Variants in RNF150 observed in about 807,000 individuals in gnomAD.
The protein encoded by RNF150 is ring finger protein 150.
RNF150 carries 24 observed loss-of-function variants against 39.3 expected under a neutral mutation model. That is an observed-to-expected ratio of 0.61 (90% CI 0.44 to 0.86). The LOEUF is 0.86. Among genes scored for constraint, RNF150 ranks in the 40% least tolerant of loss-of-function variants. The pLI is 0.00. For synonymous variants in RNF150, 255 were observed against 227.3 expected, an observed-to-expected ratio of 1.12 and a Z score of -1.10; for missense variants, 502 against 587.8, an observed-to-expected ratio of 0.85 and a Z score of 1.51.
chr4:140,954,811 G>T (rs1732680537), intron 2 of RNF150, among the ~76,000 whole-genome samples: 1 of 152,144 alleles, frequency 6.6e-6, no homozygotes, highest in Non-Finnish European at 1.5e-5. Flanking sequence ...CCTCTGTTCT[G>T]TGTTATAAAT....
chr4:141,064,103 AC>A (rs1737358685), intron 1 of RNF150, among the ~76,000 whole-genome samples: 1 of 151,794 alleles, frequency 6.6e-6, no homozygotes, highest in African/African-American at 2.4e-5. Flanking sequence ...TTTCCTTTTT[AC>A]TTTAAAAGTT....
intron 1 of RNF150, among the ~76,000 whole-genome samples, chr4:140,971,245 T>C (rs1268527888): frequency 2.0e-5 from 3 of 151,802 alleles, no homozygotes; most frequent in African/African-American, 7.3e-5. Flanking sequence ...GCTTTGCTTC[T>C]GTGGGTGGGT....
rs143645030 is a variant in RNF150, at chr4:140,968,732, G to T, written c.485-859C>A. Among the ~76,000 whole-genome samples the T allele has an allele frequency of 2.0e-3, 298 of 151,820 alleles. 5 individuals carry two copies. Among genetic ancestry groups the T allele is most frequent in the South Asian group, 0.013 (63 of 4,796 alleles). On this transcript the variant is annotated intron_variant, in intron 1 of 6. Coordinates refer to ENST00000515673, the MANE Select transcript of RNF150 (RefSeq NM_020724.2). ...TCTTGGGCCACTTTTATATATATGG[G>T]TCATTGTCCTTACGCATCATGACAC... is the stretch of plus-strand genomic sequence containing the variant.
intron 2 of RNF150, among the ~76,000 whole-genome samples, chr4:140,967,394 A>G (rs1018823150): frequency 2.0e-5 from 3 of 152,094 alleles, no homozygotes; most frequent in Non-Finnish European, 4.4e-5. Context: ...TCAAAAACAT[A>G]AGCAATGGGA....
At chr4:141,001,057 G>A (rs1310827490) in intron 1 of RNF150, among the ~76,000 whole-genome samples, 2 of 152,200 alleles carry the variant, frequency 1.3e-5, no homozygotes, top group Non-Finnish European at 2.9e-5. Flanking sequence ...TTGAATAGAT[G>A]TTGGAGATGC....
chr4:141,203,131 T>C (rs539347305), intron 1 of RNF150, among the ~76,000 whole-genome samples: 44 of 139,812 alleles, frequency 3.1e-4, no homozygotes, highest in African/African-American at 1.0e-3. Context: ...CTTGGAGATA[T>C]ATAATCTTGG....
intron 1 of RNF150, among the ~76,000 whole-genome samples, chr4:141,128,989 G>A (rs1726825781): frequency 6.6e-6 from 1 of 152,198 alleles, no homozygotes; most frequent in Non-Finnish European, 1.5e-5. Flanking sequence ...TGAGGCTGTG[G>A]AGAAATTGGA....
At chr4:141,109,796 G>C (rs1739327576) in intron 1 of RNF150, among the ~76,000 whole-genome samples, 1 of 152,064 alleles carries the variant, frequency 6.6e-6, no homozygotes, top group African/African-American at 2.4e-5. Flanking sequence ...GATCATGATA[G>C]CAATTAAGAA....
At chr4:140,934,989 TAA>T (rs1491490971) in intron 4 of RNF150, among the ~76,000 whole-genome samples, 5 of 42,110 alleles carry the variant, frequency 1.2e-4, no homozygotes, top group East Asian at 8.1e-4. Context: ...TAAAGTGTTA[TAA>T]TATATATATA....
chr4:141,059,572 T>C (rs1042436737), intron 1 of RNF150, among the ~76,000 whole-genome samples: 45 of 152,270 alleles, frequency 3.0e-4, no homozygotes, highest in African/African-American at 1.0e-3. Context: ...TTTTTTGCAG[T>C]AATTTCTTTC....
intron 1 of RNF150, among the ~76,000 whole-genome samples, chr4:141,025,553 G>A (rs1250789855): frequency 1.3e-5 from 2 of 151,744 alleles, no homozygotes; most frequent in Non-Finnish European, 2.9e-5. Context: ...AAAATGAGAA[G>A]GAATGGGGAA....
In RNF150 at chr4:141,149,822, T is replaced by C. The variant is rs865823727; in HGVS notation, c.-6+62972A>G. 5.9e-5 allele frequency among the ~76,000 whole-genome samples: 9 copies of C among 152,252 alleles called. No individual in the cohort carries two copies. In the South Asian group the frequency reaches 1.2e-3, roughly 21 times the overall value. ...TAAGGAATCTCCACACTGTTTTCCA[T>C]AGCAGTGGTACTAGTTTACAATCCC... is the stretch of plus-strand genomic sequence containing the variant. On this transcript the variant is annotated intron_variant, in intron 1 of 7. Coordinates refer to the RNF150 transcript ENST00000420921.
At chr4:141,172,883 G>A (rs28595103) in intron 1 of RNF150, among the ~76,000 whole-genome samples, 8 of 151,978 alleles carry the variant, frequency 5.3e-5, no homozygotes, top group South Asian at 2.1e-4. Context: ...AAAATTAGCC[G>A]GGCATGGTGG....
chr4:141,195,198 C>T (rs545404161), intron 1 of RNF150, among the ~76,000 whole-genome samples: 4 of 152,102 alleles, frequency 2.6e-5, no homozygotes, highest in African/African-American at 9.6e-5. Flanking sequence ...GAAAAATACT[C>T]GATTACCCAC....
chr4:140,892,681 C>A (rs1210437541), intron 6 of RNF150, among the ~76,000 whole-genome samples: 1 of 135,736 alleles, frequency 7.4e-6, no homozygotes. Flanking sequence ...GGCTCCTTCC[C>A]CCTGGGGAGG....
At chr4:140,889,750 T>A (rs146857761) in intron 6 of RNF150, among the ~76,000 whole-genome samples, 1 of 152,208 alleles carries the variant, frequency 6.6e-6, no homozygotes, top group Non-Finnish European at 1.5e-5. Context: ...TAATTAATAG[T>A]CCCTGGTCAT....
intron 1 of RNF150, among the ~76,000 whole-genome samples, chr4:141,018,951 T>C (rs1578637402): frequency 6.6e-6 from 1 of 151,344 alleles, no homozygotes; most frequent in Non-Finnish European, 1.5e-5. Context: ...GTCCTAATTA[T>C]AAACATTGCT....
At chr4:141,158,519 T>A (rs1727455498) in intron 1 of RNF150, among the ~76,000 whole-genome samples, 1 of 152,044 alleles carries the variant, frequency 6.6e-6, no homozygotes, top group African/African-American at 2.4e-5. Context: ...GTAGTAATAG[T>A]TGTTATATAA....
rs532934920 is a variant in RNF150, at chr4:140,988,854, G to T, written c.485-20981C>A. ...AATGATGAGTTCATGTCCTTTGTAG[G>T]GACATGGATGAAGCTGGAAACCATC... On this transcript the variant is annotated intron_variant, in intron 1 of 6. Transcript: ENST00000515673. Among the ~76,000 whole-genome samples, 17 of 152,172 alleles carry T rather than the reference G, an allele frequency of 1.1e-4. No homozygotes were observed. The East Asian group carries it at 2.9e-3, about 26-fold the overall frequency.
Sources: gnomAD v4.1 joint callset for allele counts (sites outside exome capture counted in the v4.1 genomes callset) on GRCh38, gnomAD v4.1.1 for gene constraint, MANE v1.5 for transcripts, NCBI Gene and HGNC (gene_info 2026-07-23, HGNC 2026-07-21) for gene names.